MYH3: variants seen among roughly 807,000 people sequenced by gnomAD.
The protein encoded by MYH3 is myosin-3.
A neutral mutation model predicts 238.0 loss-of-function variants in MYH3; 130 were observed. That is an observed-to-expected ratio of 0.55 (90% CI 0.47 to 0.63). MYH3 has a LOEUF of 0.63. Ranked by LOEUF, MYH3 falls within the 30% of genes least tolerant of loss-of-function variation. MYH3 has a pLI of 0.00. For missense variants in MYH3, 1,853 were observed against 2,374.9 expected (o/e 0.78, Z 4.57); for synonymous variants, 880 against 924.1 (o/e 0.95, Z 0.86).
chr17:10,639,538 G>C, intron 23 of MYH3, 22 bp downstream of exon 23: 1 of 1,614,112 alleles, frequency 6.2e-7, no homozygotes, highest in South Asian at 1.1e-5. Context: ...TATCAAGCTA[G>C]ACACACCTAC....
chr17:10,666,897 T>A, the MYH3 span, among the ~76,000 whole-genome samples: 6 of 152,154 alleles, frequency 3.9e-5, no homozygotes, highest in Non-Finnish European at 7.3e-5. Context: ...AACAAAACCC[T>A]GCAGATAGCA....
At chr17:10,664,862 G>A in the MYH3 span, among the ~76,000 whole-genome samples, 1 of 152,150 alleles carries the variant, frequency 6.6e-6, no homozygotes, top group Non-Finnish European at 1.5e-5. Flanking sequence ...AAGGAGGCAG[G>A]CATGGCCCAG....
At chr17:10,634,783 G>A (rs767565350) in intron 31 of MYH3, 57 bp downstream of exon 31, 67 of 1,606,822 alleles carry the variant, frequency 4.2e-5, no homozygotes, top group Non-Finnish European at 5.1e-5. Context: ...CTCCTTCCAC[G>A]GCTGCTAGGA....
At chr17:10,629,378 C>T (rs2074128220) in intron 40 of MYH3, among the ~76,000 whole-genome samples, 1 of 152,016 alleles carries the variant, frequency 6.6e-6, no homozygotes, top group South Asian at 2.1e-4. Context: ...TTTATGGCTG[C>T]ATAGTATTCC....
chr17:10,662,960 T>G, the MYH3 span, among the ~76,000 whole-genome samples: 31,696 of 151,706 alleles, frequency 0.21, 3,488 homozygotes, highest in Non-Finnish European at 0.25. Context: ...GGTGGTGGGT[T>G]CCTGTAATCC....
Position 10,629,578 on chromosome 17 carries a change from T to C in MYH3, c.5796+19A>G. The C allele has an allele frequency of 5.6e-6, 9 of 1,612,524 alleles. No individual in the cohort carries two copies. The highest frequency in any genetic ancestry group is 7.6e-6 in the Non-Finnish European group (9 of 1,179,992). ...TCTACAGTCCCTGGGGGGGGGCTCC[T>C]CCCAGCTCAGCGACTCACCCTGCTG... On this transcript the variant is annotated intron_variant, in intron 40 of 40. Transcript: ENST00000583535.
At chr17:10,678,206 G>A in the MYH3 span, 2 of 152,126 alleles carry the variant, frequency 1.3e-5, no homozygotes, top group Non-Finnish European at 1.5e-5. Flanking sequence ...CGGAACCTCC[G>A]TTTTGGTTGG....
At chr17:10,655,952 G>T (rs546897796) in intron 2 of MYH3, 138 bp downstream of exon 2, 1 of 152,308 alleles carries the variant, frequency 6.6e-6, no homozygotes, top group African/African-American at 2.4e-5. Flanking sequence ...ACCCGGCCAC[G>T]ACCTGTCCTT....
chr17:10,677,587 C>T, the MYH3 span: 1 of 152,116 alleles, frequency 6.6e-6, no homozygotes, highest in Non-Finnish European at 1.5e-5. Flanking sequence ...AAATCATTAG[C>T]CTCCCAACTC....
chr17:10,641,467 T>C, intron 17 of MYH3, 95 bp from the exon 18 acceptor site: 1 of 981,274 alleles, frequency 1.0e-6, no homozygotes, highest in Non-Finnish European at 1.6e-6. Flanking sequence ...GTTTAAAATT[T>C]ATCATAAGTT....
intron 17 of MYH3, among the ~76,000 whole-genome samples, chr17:10,641,691 T>C (rs1439114120): frequency 6.6e-6 from 1 of 152,036 alleles, no homozygotes; most frequent in African/African-American, 2.4e-5. Context: ...ATTTTTCATA[T>C]GTTTAATGGA....
At chr17:10,643,631 C>T (rs1226103089) in intron 14 of MYH3, among the ~76,000 whole-genome samples, 1 of 152,150 alleles carries the variant, frequency 6.6e-6, no homozygotes, top group Non-Finnish European at 1.5e-5. Flanking sequence ...GCCTCAGCCT[C>T]CCAAAGTGCT....
At chr17:10,636,351 CA>C (rs754714282) in intron 28 of MYH3, among the ~76,000 whole-genome samples, 14 of 144,126 alleles carry the variant, frequency 9.7e-5, no homozygotes, top group Admixed American at 2.1e-4. Flanking sequence ...TGATGTCTGT[CA>C]AAAAAAAAAT....
chr17:10,656,544 A>AC (rs113757445), intron 1 of MYH3, among the ~76,000 whole-genome samples: 1 of 143,638 alleles, frequency 7.0e-6, no homozygotes, highest in Non-Finnish European at 1.5e-5. Context: ...TCTCAAAAAA[A>AC]AAAAAAAAAA....
intron 31 of MYH3, among the ~76,000 whole-genome samples, chr17:10,634,520 AG>A (rs147769861): frequency 0.02 from 2,986 of 152,364 alleles, 91 homozygotes; most frequent in African/African-American, 0.067. Flanking sequence ...TCTTGAAAGA[AG>A]GGCTTCCAGA....
chr17:10,643,077 C>T, intron 14 of MYH3, 81 bp from the exon 15 acceptor site: 2 of 1,610,698 alleles, frequency 1.2e-6, no homozygotes, highest in Non-Finnish European at 1.7e-6. Flanking sequence ...CCTCATTGCC[C>T]CAGGTTCCTG....
chr17:10,654,421 G>C lies in MYH3; in HGVS notation c.204+440C>G, dbSNP rs1301347497. On this transcript the variant is annotated intron_variant, in intron 3 of 40. Coordinates refer to ENST00000583535, the MANE Select transcript of MYH3 (RefSeq NM_002470.4). This position sits in a 1 kb window ranked among gnomAD's most constrained non-coding sequence, Gnocchi z 4.5. ...TACAAGGAGGCTGCTATTTCACTGA[G>C]CTTGTGGTCCCCTAGGATCCCTAAC... Among the ~76,000 whole-genome samples the C allele has an allele frequency of 2.6e-5, 4 of 152,166 alleles. No homozygotes were observed. The highest frequency in any genetic ancestry group is 6.5e-5 in the Admixed American group (1 of 15,268).
In MYH3 at chr17:10,654,892, C is replaced by A. The variant is rs539620341; in HGVS notation, c.173G>T (p.Gly58Val). ...AKGKIKSSQD[G>V]KVTVETEDNR... is the part of the protein sequence containing the mutation. ...GTCCTCAGTTTCCACAGTGACCTTCCCATCCTGAGAACTCTTGATTTTCCC... is the reference window on the plus strand; with the variant it reads ...GTCCTCAGTTTCCACAGTGACCTTCACATCCTGAGAACTCTTGATTTTCCC... The change falls in exon 3 of 41, where the codon GGG becomes GTG. Residue 58 changes from glycine to valine, a missense_variant. Gly to Val is a moderately radical substitution (Grantham distance 109, BLOSUM62 -3). Coordinates refer to ENST00000583535, the MANE Select transcript of MYH3 (RefSeq NM_002470.4). The surrounding 1 kb of genome is among the most constrained non-coding windows in gnomAD (Gnocchi z 4.5). The A allele has an allele frequency of 5.0e-6, 8 of 1,614,154 alleles. No individual in the cohort carries two copies. The highest frequency in any genetic ancestry group is 6.8e-6 in the Non-Finnish European group (8 of 1,180,038).
rs753806909 is a variant in MYH3 at position 10,639,399 on chromosome 17, G to A, written c.3001C>T (p.Gln1001Ter). The A allele has an allele frequency of 3.1e-6, 5 of 1,614,106 alleles. No individual in the cohort carries two copies. Among genetic ancestry groups the A allele is most frequent in the Non-Finnish European group, 1.7e-6 (2 of 1,180,004 alleles). ...TCCAAGGCCTGCTGGTGCGCCTCTTGGAGGGCCTTCTTCTCTCTGGTTAAC... is the reference window on the plus strand; with the variant it reads ...TCCAAGGCCTGCTGGTGCGCCTCTTAGAGGGCCTTCTTCTCTCTGGTTAAC... ...AKLTREKKAL[Q>*]EAHQQALDDL... The change falls in exon 24 of 41, where the codon CAA (glutamine) becomes TAA (stop). Residue 1001 changes from glutamine (Q) to a stop codon, truncating the protein, a stop_gained. Coordinates refer to ENST00000583535, the MANE Select transcript of MYH3 (RefSeq NM_002470.4). LOFTEE classifies it high-confidence loss of function.
Sources: allele counts gnomAD v4.1 joint callset (sites outside exome capture counted in the v4.1 genomes callset), GRCh38; gene constraint gnomAD v4.1.1; non-coding constraint Gnocchi (gnomAD v3.1); transcripts MANE v1.5; gene names NCBI Gene and HGNC (gene_info 2026-07-23, HGNC 2026-07-21).